AVL9: variants seen among roughly 807,000 people sequenced by gnomAD.
The protein encoded by AVL9 is late secretory pathway protein AVL9 homolog.
AVL9 carries 49 observed loss-of-function variants against 79.2 expected under a neutral mutation model. The observed-to-expected ratio is 0.62, with a 90% confidence interval of 0.49 to 0.79. The LOEUF (loss-of-function observed/expected upper bound fraction) is 0.79, where lower values mean the gene tolerates loss of function less well. Ranked by LOEUF, AVL9 falls within the 30% of genes least tolerant of loss-of-function variation. AVL9 has a pLI of 0.00. For synonymous variants in AVL9, 299 were observed against 280.6 expected (o/e 1.07, Z -0.65); for missense variants, 682 against 776.8 (o/e 0.88, Z 1.45).
Position 32,574,243 on chromosome 7 carries a change from A to ACAC in AVL9, c.1570+835_1570+837dup, listed in dbSNP as rs11281768. Among the ~76,000 whole-genome samples, 3 of 151,242 alleles carry ACAC rather than the reference A, an allele frequency of 2.0e-5. 1 individual carries two copies. The highest frequency in any genetic ancestry group is 7.3e-5 in the African/African-American group (3 of 41,198). ...TTGTATCAGTAGATTTTTTTAATCA[A>ACAC]CACCACCACCACATGCTCCCAGGTT... is the stretch of plus-strand genomic sequence containing the variant. On this transcript the variant is annotated intron_variant, in intron 12 of 15. Transcript: ENST00000318709.
intron 1 of AVL9, among the ~76,000 whole-genome samples, chr7:32,529,320 C>CA (rs1209799334): frequency 6.6e-6 from 1 of 152,192 alleles, no homozygotes; most frequent in Admixed American, 6.5e-5. Context: ...ACCCCCCTAT[C>CA]ACGCCTGCTC....
chr7:32,549,837 T>C (rs1789721356), intron 4 of AVL9, among the ~76,000 whole-genome samples: 2 of 151,204 alleles, frequency 1.3e-5, no homozygotes, highest in Admixed American at 1.3e-4. Flanking sequence ...GGAGAATCAC[T>C]TGAACCCAGG....
intron 8 of AVL9, among the ~76,000 whole-genome samples, chr7:32,554,861 A>T (rs913585529): frequency 6.6e-6 from 1 of 152,152 alleles, no homozygotes; most frequent in Non-Finnish European, 1.5e-5. Context: ...GATTTGACTC[A>T]GTGGCTCCAT....
intron 3 of AVL9, among the ~76,000 whole-genome samples, chr7:32,548,124 GCTGT>G (rs1789607122): frequency 1.6e-5 from 2 of 124,550 alleles, no homozygotes; most frequent in African/African-American, 3.0e-5. Flanking sequence ...TGGAGAACAA[GCTGT>G]CTGTTTTTGT....
chr7:32,497,814 G>A (rs965311491), intron 1 of AVL9, among the ~76,000 whole-genome samples: 25 of 152,066 alleles, frequency 1.6e-4, no homozygotes, highest in Admixed American at 2.0e-4. Flanking sequence ...ACCGCGCCCG[G>A]CTAATTTTTT....
At chr7:32,500,524 T>A (rs963630344) in intron 1 of AVL9, among the ~76,000 whole-genome samples, 5 of 152,182 alleles carry the variant, frequency 3.3e-5, no homozygotes, top group African/African-American at 1.2e-4. Flanking sequence ...TTTCTCTCAT[T>A]CCATAGGTTG....
chr7:32,582,292 T>A (rs1791546719), intron 15 of AVL9, among the ~76,000 whole-genome samples: 1 of 152,232 alleles, frequency 6.6e-6, no homozygotes, highest in Admixed American at 6.5e-5. Flanking sequence ...TAACCGTTAC[T>A]GAACACAATT....
chr7:32,509,608 G>C (rs1244567772), intron 1 of AVL9, among the ~76,000 whole-genome samples: 2 of 152,182 alleles, frequency 1.3e-5, no homozygotes, highest in East Asian at 3.9e-4. Flanking sequence ...GGAACAGACT[G>C]TCTTGGCCGG....
intron 1 of AVL9, chr7:32,537,739 C>G (rs529090529): frequency 3.9e-4 from 60 of 152,260 alleles, no homozygotes; most frequent in African/African-American, 1.4e-3. Context: ...GCTGGAATTA[C>G]AGGTGTGAGC....
intron 10 of AVL9, among the ~76,000 whole-genome samples, chr7:32,563,638 C>T (rs1790424519): frequency 6.6e-6 from 1 of 151,474 alleles, no homozygotes; most frequent in South Asian, 2.1e-4. Flanking sequence ...CTGTTTTTCC[C>T]TGAATACTGT....
At chr7:32,583,656 G>C in intron 15 of AVL9, 136 bp from the exon 16 acceptor site, 1 of 562,512 alleles carries the variant, frequency 1.8e-6, no homozygotes. Flanking sequence ...TCCAGCCTGG[G>C]CGACAGAGTA....
rs754422190 is a variant in AVL9 at position 32,559,078 on chromosome 7, A to G, written c.829A>G (p.Ile277Val). The G allele has an allele frequency of 6.2e-7, 1 of 1,614,042 alleles. No homozygotes were observed. The highest frequency in any genetic ancestry group is 1.3e-5 in the African/African-American group (1 of 74,924). ...TGTTTCACATACCAACTTGGGAACT[A>G]TCAGGAAAGTCATGGCAGGAAACCA... ...ADVSHTNLGT[I>V]RKVMAGNHGE... The change falls in exon 10 of 16, where the codon ATC (isoleucine) becomes GTC (valine). Residue 277 changes from isoleucine (I) to valine (V), a missense_variant. Ile to Val is a conservative substitution (Grantham distance 29, BLOSUM62 3). Coordinates refer to ENST00000318709, the MANE Select transcript of AVL9 (RefSeq NM_015060.3).
At chr7:32,503,406 A>ACAC (rs1424274246) in intron 1 of AVL9, among the ~76,000 whole-genome samples, 5 of 145,748 alleles carry the variant, frequency 3.4e-5, no homozygotes, top group African/African-American at 7.5e-5. Context: ...ACACACACAC[A>ACAC]AATTAGCCGG....
intron 6 of AVL9, among the ~76,000 whole-genome samples, chr7:32,553,002 A>G (rs1789903096): frequency 6.6e-6 from 1 of 152,172 alleles, no homozygotes; most frequent in Non-Finnish European, 1.5e-5. Context: ...GGGCAACTCA[A>G]TAAATATCCA....
intron 1 of AVL9, among the ~76,000 whole-genome samples, chr7:32,524,022 T>C (rs1419080381): frequency 6.7e-6 from 1 of 149,778 alleles, no homozygotes; most frequent in Non-Finnish European, 1.5e-5. Flanking sequence ...CGTGAGCCCC[T>C]GCACCCAGTC....
In AVL9 at chr7:32,498,607, C is replaced by CT. The variant is rs200038631; in HGVS notation, c.93+2818dup. Among the ~76,000 whole-genome samples the CT allele has an allele frequency of 6.0e-3, 832 of 138,338 alleles. 18 individuals are homozygous for CT. In the East Asian group the frequency reaches 0.061, roughly 10 times the overall value. 90.8% of individuals were successfully genotyped at this position (138,338 alleles called of 152,430 possible). A position where few individuals can be genotyped will look rare whatever the true frequency, so the allele number is the denominator to read the frequency against. The stretch of plus-strand genomic sequence containing the variant: ...ACATCTATTAACTTTATCACTTGAT[C>CT]TTTTTTTTTTTTTCACTTTTATTTG... On this transcript the variant is annotated intron_variant, in intron 1 of 15. Coordinates refer to ENST00000318709, the MANE Select transcript of AVL9 (RefSeq NM_015060.3).
chr7:32,568,641 A>T (rs1415838937), intron 10 of AVL9, among the ~76,000 whole-genome samples: 1 of 152,236 alleles, frequency 6.6e-6, no homozygotes, highest in African/African-American at 2.4e-5. Context: ...TAAATATAAT[A>T]TCACATATGA....
rs776803714 is a variant in AVL9 at position 32,573,311 on chromosome 7, G to A, written c.1463G>A (p.Arg488Gln). Reference protein sequence around the residue: ...DYLVRHVTENRDDVFLDGTGW... With the variant: ...DYLVRHVTENQDDVFLDGTGW... Reference sequence around the variant, plus strand: ...CTAGTGAGGCACGTGACTGAGAATCGGGATGACGTCTTCCTAGATGGCACG... The same window carrying A: ...CTAGTGAGGCACGTGACTGAGAATCAGGATGACGTCTTCCTAGATGGCACG... The change falls in exon 12 of 16, where the codon CGG becomes CAG. Residue 488 changes from arginine (R) to glutamine (Q), a missense_variant. By Grantham distance (43) the Arg-to-Gln change is conservative. Transcript: ENST00000318709. 1.2e-5 allele frequency: 19 copies of A among 1,613,612 alleles called. No individual in the cohort carries two copies. The highest frequency in any genetic ancestry group is 4.4e-5 in the South Asian group (4 of 91,078).
intron 4 of AVL9, 56 bp downstream of exon 4, chr7:32,548,974 TA>T: frequency 8.7e-7 from 1 of 1,154,296 alleles, no homozygotes. Flanking sequence ...GATCTTTCTT[TA>T]AGGATAAGGC....
Sources: allele counts gnomAD v4.1 joint callset (sites outside exome capture counted in the v4.1 genomes callset), GRCh38; gene constraint gnomAD v4.1.1; transcripts MANE v1.5; gene names NCBI Gene and HGNC (gene_info 2026-07-23, HGNC 2026-07-21).